The following COX15 variants were observed in gnomAD, a reference collection of about 807,000 sequenced individuals.
COX15 encodes cytochrome c oxidase assembly factor COX15, also known as heme A synthase COX15.
A neutral mutation model predicts 51.9 loss-of-function variants in COX15; 51 were observed. The observed-to-expected ratio is 0.98, with a 90% confidence interval of 0.78 to 1.24. The LOEUF (loss-of-function observed/expected upper bound fraction) is 1.24. Ranked by LOEUF, COX15 falls within the 50% of genes most tolerant of loss-of-function variation. COX15 has a pLI of 0.00. For synonymous variants in COX15, 188 were observed against 190.5 expected (o/e 0.99, Z 0.11); for missense variants, 420 against 501.1 (o/e 0.84, Z 1.55).
At chr10:99,709,389 A>G (rs1048842896), downstream of COX15, 7 of 985,306 alleles carry the variant, frequency 7.1e-6, no homozygotes, top group African/African-American at 1.2e-4. Context: ...AAATTCTCCC[A>G]TATTAGTCTC....
At chr10:99,704,633 C>A in the COX15 span, 13 of 1,614,102 alleles carry the variant, frequency 8.1e-6, no homozygotes, top group Non-Finnish European at 1.1e-5. Flanking sequence ...ATTGGACTTG[C>A]TGTGGCTTGA....
At chr10:99,704,447 C>T in the COX15 span, 2 of 1,614,086 alleles carry the variant, frequency 1.2e-6, no homozygotes. Context: ...TTAATTCTTC[C>T]CTAGGGATCT....
downstream of COX15, chr10:99,709,382 T>G: frequency 2.0e-6 from 2 of 985,438 alleles, no homozygotes; most frequent in Non-Finnish European, 2.4e-6. Flanking sequence ...ATGTTTCAAA[T>G]TCTCCCATAT....
intron 1 of COX15, 67 bp downstream of exon 1, chr10:99,731,876 GATGTGGGGCTCTACATT>G (rs1419750464): frequency 1.9e-5 from 29 of 1,523,730 alleles, no homozygotes; most frequent in Non-Finnish European, 2.5e-5. Flanking sequence ...CCGGAAACGT[GATGTGGGGCTCTACATT>G]ATCTTTATCC....
At chr10:99,701,020 T>C in the COX15 span, 1 of 1,614,174 alleles carries the variant, frequency 6.2e-7, no homozygotes, top group Non-Finnish European at 8.5e-7. Flanking sequence ...GATTCAAGAA[T>C]GGCCTCTTTT....
At chr10:99,699,724 C>T in the COX15 span, among the ~76,000 whole-genome samples, 1 of 152,138 alleles carries the variant, frequency 6.6e-6, no homozygotes, top group South Asian at 2.1e-4. Flanking sequence ...ACCACCATGC[C>T]TGGCTAATTT....
rs1442941840 is a variant in COX15, at chr10:99,718,563, T to G, written c.833-63A>C. On this transcript the variant is annotated intron_variant, in intron 6 of 8. Transcript: ENST00000016171. ...GGAAGAAGAGACCAAATACTAGTTCTGATATAGAAAAAGTCTGTTATCCCA... is the reference window on the plus strand; with the variant it reads ...GGAAGAAGAGACCAAATACTAGTTCGGATATAGAAAAAGTCTGTTATCCCA... The G allele has an allele frequency of 2.6e-6, 4 of 1,558,736 alleles. No individual in the cohort carries two copies. In the Admixed American group the frequency reaches 6.7e-5, roughly 26 times the overall value.
At chr10:99,731,478 T>C (rs573416082) in intron 1 of COX15, among the ~76,000 whole-genome samples, 1 of 152,328 alleles carries the variant, frequency 6.6e-6, no homozygotes, top group Admixed American at 6.5e-5. Flanking sequence ...ACTATATCCC[T>C]GTGAGTCCAA....
intron 5 of COX15, among the ~76,000 whole-genome samples, chr10:99,722,274 G>A (rs1042288870): frequency 3.9e-5 from 6 of 152,112 alleles, no homozygotes; most frequent in East Asian, 1.9e-4. Flanking sequence ...TTGTAATTAG[G>A]TGAATCTAAA....
Position 99,712,003 on chromosome 10 carries a change from C to T in COX15, c.*2584G>A, listed in dbSNP as rs1055113150. On this transcript the variant is annotated 3_prime_UTR_variant, in exon 9 of 9. Transcript: ENST00000016171. ...GTGTCACATGGTGAGAGAGAGCAAG[C>T]GAGAGAGGAGGAAGTTCCAGGCTCT... 2.4e-5 allele frequency: 7 copies of T among 290,514 alleles called. No individual in the cohort carries two copies. Among genetic ancestry groups the T allele is most frequent in the Admixed American group, 1.3e-4 (2 of 15,444 alleles). 18.0% of individuals were successfully genotyped at this position (290,514 alleles called of 1,614,324 possible).
chr10:99,731,853 A>G, intron 1 of COX15, 107 bp downstream of exon 1: 1 of 1,413,836 alleles, frequency 7.1e-7, no homozygotes, highest in Non-Finnish European at 9.7e-7. Context: ...TTGTGAGTGC[A>G]CTGTAAGGAG....
In COX15 at chr10:99,727,432, A is replaced by G; in HGVS notation, c.395+9T>C. On this transcript the variant is annotated intron_variant, in intron 3 of 8. Transcript: ENST00000016171. Reference sequence around the variant, plus strand: ...CTGGGATGTTTACCTAATTTTCTCTAATACTTACATTTTAAATTCTGGAAA... The same window carrying G: ...CTGGGATGTTTACCTAATTTTCTCTGATACTTACATTTTAAATTCTGGAAA... 1 of 1,612,388 alleles carries G rather than the reference A, an allele frequency of 6.2e-7. No individual in the cohort carries two copies. The highest frequency in any genetic ancestry group is 8.5e-7 in the Non-Finnish European group (1 of 1,179,998).
chr10:99,701,370 C>A, the COX15 span, among the ~76,000 whole-genome samples: 2 of 151,638 alleles, frequency 1.3e-5, no homozygotes, highest in Non-Finnish European at 2.9e-5. Context: ...TCACTGCAAC[C>A]TCCGCCTCCT....
At chr10:99,730,979 C>T (rs2037120582) in intron 1 of COX15, among the ~76,000 whole-genome samples, 1 of 152,008 alleles carries the variant, frequency 6.6e-6, no homozygotes, top group Non-Finnish European at 1.5e-5. Context: ...TGCTTGAGGC[C>T]AGGATTTCCA....
At chr10:99,728,601 T>G (rs1448451620) in intron 2 of COX15, among the ~76,000 whole-genome samples, 1 of 152,250 alleles carries the variant, frequency 6.6e-6, no homozygotes, top group East Asian at 1.9e-4. Flanking sequence ...TGGTAATTAA[T>G]GGCTGTTAAC....
chr10:99,700,393 C>A, the COX15 span, among the ~76,000 whole-genome samples: 4 of 103,598 alleles, frequency 3.9e-5, no homozygotes, highest in African/African-American at 1.7e-4. Flanking sequence ...TCCAACGTAC[C>A]GTGTGTGTGT....
chr10:99,713,006 C>T lies in COX15; in HGVS notation c.*1581G>A. On this transcript the variant is annotated 3_prime_UTR_variant, in exon 9 of 9. Transcript: ENST00000016171. ...CCCTGTGTGACAGGGGTTCTGGACT[C>T]ATCATTCTGATCTCTTCTTCTGGAT... The T allele has an allele frequency of 8.9e-7, 1 of 1,121,842 alleles. No individual in the cohort carries two copies. The highest frequency in any genetic ancestry group is 2.2e-5 in the South Asian group (1 of 44,584). The allele number at this position is 1,121,842 out of a possible 1,614,324, so 69.5% of individuals were successfully genotyped here.
Position 99,721,157 on chromosome 10 carries a change from A to G in COX15, c.751-89T>C. 3.0e-6 allele frequency: 3 copies of G among 1,005,840 alleles called. No individual in the cohort carries two copies. In the South Asian group the frequency reaches 4.1e-5, roughly 14 times the overall value. 62.3% of individuals were successfully genotyped at this position (1,005,840 alleles called of 1,614,324 possible). Reference sequence around the variant, plus strand: ...TCTCTAAGGCCAAACCCAAGTGACAAATTAAGATCAGATCTTCTCTGACCC... The same window carrying G: ...TCTCTAAGGCCAAACCCAAGTGACAGATTAAGATCAGATCTTCTCTGACCC... On this transcript the variant is annotated intron_variant, in intron 5 of 8. Coordinates refer to ENST00000016171, the MANE Select transcript of COX15 (RefSeq NM_078470.6).
downstream of COX15, chr10:99,708,954 T>C (rs183002353): frequency 4.5e-5 from 44 of 985,462 alleles, no homozygotes; most frequent in African/African-American, 6.1e-4. Context: ...GCTTCTGACA[T>C]TCATTTATGA....
Sources: allele counts gnomAD v4.1 joint callset (sites outside exome capture counted in the v4.1 genomes callset), GRCh38; gene constraint gnomAD v4.1.1; transcripts MANE v1.5; gene names NCBI Gene and HGNC (gene_info 2026-07-23, HGNC 2026-07-21).